Variants in HIP1 observed in about 807,000 individuals in gnomAD.
HIP1 encodes the protein huntingtin interacting protein 1, also known as huntingtin-interacting protein 1.
HIP1 carries 65 observed loss-of-function variants against 147.6 expected under a neutral mutation model. The observed-to-expected ratio is 0.44, with a 90% CI of 0.36 to 0.54. HIP1 has a LOEUF of 0.54. Ranked by LOEUF, HIP1 falls within the 20% of genes least tolerant of loss-of-function variation. The pLI, the probability that HIP1 is intolerant of heterozygous loss-of-function variation, is 0.00. For synonymous variants in HIP1, 479 were observed against 504.0 expected (o/e 0.95, Z 0.67); for missense variants, 1,061 against 1,299.6 (o/e 0.82, Z 2.82).
chr7:75,637,735 C>A (rs1328103809), intron 1 of HIP1, among the ~76,000 whole-genome samples: 1 of 151,510 alleles, frequency 6.6e-6, no homozygotes, highest in Non-Finnish European at 1.5e-5. Flanking sequence ...CCCCCAACCC[C>A]AGGGGCAATG....
At chr7:75,603,473 C>T (rs138555960) in intron 1 of HIP1, among the ~76,000 whole-genome samples, 1 of 152,128 alleles carries the variant, frequency 6.6e-6, no homozygotes, top group African/African-American at 2.4e-5. Flanking sequence ...AAACTAATTA[C>T]AGGGTCCTTT....
chr7:75,621,229 G>A (rs1341653676), intron 1 of HIP1, among the ~76,000 whole-genome samples: 1 of 152,004 alleles, frequency 6.6e-6, no homozygotes, highest in Non-Finnish European at 1.5e-5. Context: ...ACATGAAGAG[G>A]AAGTGAGCCT....
Position 75,558,258 on chromosome 7 carries a change from G to T in HIP1, c.1376-3C>A. 6.2e-7 allele frequency: 1 copy of T among 1,612,646 alleles called. No homozygotes were observed. On this transcript the variant is annotated splice_polypyrimidine_tract_variant and splice_region_variant and intron_variant, in intron 14 of 30. Transcript: ENST00000336926. ...CTGTTCATTGGCTTGAGCTTTCCCT[G>T]TATTGTAAAGGACCAAGGTGAGGAG... is the stretch of plus-strand genomic sequence containing the variant.
intron 1 of HIP1, among the ~76,000 whole-genome samples, chr7:75,665,743 G>T (rs1554514549): frequency 6.6e-6 from 1 of 151,962 alleles, no homozygotes; most frequent in African/African-American, 2.4e-5. Context: ...GTTTTGCTAT[G>T]TTGGCCAGGC....
At chr7:75,685,253 A>G (rs1001281033) in intron 1 of HIP1, among the ~76,000 whole-genome samples, 4 of 151,982 alleles carry the variant, frequency 2.6e-5, no homozygotes, top group South Asian at 2.1e-4. Flanking sequence ...TTTCTACCAA[A>G]AAAAACCCCA....
At chr7:75,576,732 C>A (rs981786715) in intron 7 of HIP1, among the ~76,000 whole-genome samples, 1 of 152,024 alleles carries the variant, frequency 6.6e-6, no homozygotes, top group Non-Finnish European at 1.5e-5. Flanking sequence ...ACAAAAAAAA[C>A]GCCCCAGGTA....
chr7:75,614,511 G>A (rs1256952969), intron 1 of HIP1, among the ~76,000 whole-genome samples: 1 of 110,260 alleles, frequency 9.1e-6, no homozygotes, highest in Non-Finnish European at 2.3e-5. Flanking sequence ...TGCTCAGAAT[G>A]GGCAGATCCA....
chr7:75,595,251 T>TCTTTCTTTCTTTCTTGCTTC (rs1491144475), intron 2 of HIP1, among the ~76,000 whole-genome samples: 1 of 59,504 alleles, frequency 1.7e-5, no homozygotes, highest in Non-Finnish European at 3.1e-5. Flanking sequence ...TTTCTTTCTT[T>TCTTTCTTTCTTTCTTGCTTC]CTTCCTTCCT....
chr7:75,660,057 C>G (rs374076733), intron 1 of HIP1, among the ~76,000 whole-genome samples: 1 of 151,260 alleles, frequency 6.6e-6, no homozygotes, highest in Non-Finnish European at 1.5e-5. Context: ...ACCGGAGAAG[C>G]GGAGGTTGCA....
At chr7:75,547,950 C>T in intron 23 of HIP1, 137 bp from the exon 24 acceptor site, 1 of 772,788 alleles carries the variant, frequency 1.3e-6, no homozygotes, top group Middle Eastern at 2.3e-4. Flanking sequence ...TGCCCACATT[C>T]TTGAGAGAGT....
intron 1 of HIP1, among the ~76,000 whole-genome samples, chr7:75,731,960 C>A (rs1801851158): frequency 6.6e-6 from 1 of 152,142 alleles, no homozygotes; most frequent in Non-Finnish European, 1.5e-5. Context: ...TCAAAGAGCT[C>A]TCCAGCCAGG....
chr7:75,662,091 G>C (rs1799337837), intron 1 of HIP1, among the ~76,000 whole-genome samples: 1 of 146,422 alleles, frequency 6.8e-6, no homozygotes, highest in African/African-American at 2.5e-5. Flanking sequence ...GGGGAGGGAG[G>C]AGGGGAAGGA....
chr7:75,635,383 A>C (rs1305603255), intron 1 of HIP1, among the ~76,000 whole-genome samples: 2 of 152,080 alleles, frequency 1.3e-5, no homozygotes, highest in Non-Finnish European at 2.9e-5. Context: ...ATCAAGAGTC[A>C]CCTTAGGCCC....
intron 1 of HIP1, among the ~76,000 whole-genome samples, chr7:75,658,290 G>C (rs1322750055): frequency 6.6e-6 from 1 of 152,218 alleles, no homozygotes; most frequent in African/African-American, 2.4e-5. Context: ...GTTTCACCAT[G>C]TTGGCCAGGC....
chr7:75,678,229 T>C (rs1799957937), intron 1 of HIP1, among the ~76,000 whole-genome samples: 2 of 152,230 alleles, frequency 1.3e-5, no homozygotes, highest in East Asian at 3.9e-4. Flanking sequence ...TCAGCTTAGC[T>C]GAGGTGGACT....
intron 1 of HIP1, chr7:75,625,914 A>G (rs2117108035): frequency 6.6e-6 from 1 of 152,148 alleles, no homozygotes; most frequent in South Asian, 2.1e-4. Flanking sequence ...CTTAAAAAAA[A>G]GAGGCTTTGG....
At chr7:75,629,657 C>G (rs902379806) in intron 1 of HIP1, among the ~76,000 whole-genome samples, 22 of 152,086 alleles carry the variant, frequency 1.4e-4, no homozygotes, top group Non-Finnish European at 2.9e-5. Flanking sequence ...ATTCTCGTGC[C>G]TCAGCCTCCT....
intron 1 of HIP1, among the ~76,000 whole-genome samples, chr7:75,708,452 C>T (rs559717423): frequency 6.6e-6 from 1 of 152,060 alleles, no homozygotes; most frequent in Non-Finnish European, 1.5e-5. Context: ...AGTTTTGCCC[C>T]GTGTTTTCTT....
rs782045288 is a variant in HIP1 at position 75,592,513 on chromosome 7, C to T, written c.186G>A (p.Thr62=). 5.6e-6 allele frequency: 9 copies of T among 1,609,520 alleles called. No homozygotes were observed. Among genetic ancestry groups the T allele is most frequent in the South Asian group, 3.3e-5 (3 of 90,842 alleles). Residue 62 remains threonine, a splice_region_variant and synonymous_variant, in exon 3 of 31, where the codon ACG becomes ACA. Coordinates refer to ENST00000336926, the MANE Select transcript of HIP1 (RefSeq NM_005338.7). ...TCTCATGGTGGGTGCCCAGTATGCA[C>T]GGTGAGGGGGGGTTATGGAAAACAA... ...EVAVKEKHAR[T]CILGTHHEKG...
Sources: gnomAD v4.1 joint callset for allele counts (sites outside exome capture counted in the v4.1 genomes callset) on GRCh38, gnomAD v4.1.1 for gene constraint, MANE v1.5 for transcripts, NCBI Gene and HGNC (gene_info 2026-07-23, HGNC 2026-07-21) for gene names.